The following UGT2A1 variants were observed in gnomAD, a reference collection of about 807,000 sequenced individuals.
UGT2A1 encodes UDP-glucuronosyltransferase 2A1.
Under a neutral mutation model 45.4 loss-of-function variants are expected in UGT2A1, and 61 were observed. The observed-to-expected ratio is 1.34, with a 90% confidence interval of 1.09 to 1.66. The LOEUF (loss-of-function observed/expected upper bound fraction) is 1.66, where lower values mean the gene tolerates loss of function less well. UGT2A1 is among the 40% of genes most tolerant of loss of function. UGT2A1 has a pLI of 0.00. For synonymous variants in UGT2A1, 229 were observed against 196.2 expected (o/e 1.17, Z -1.40); for missense variants, 649 against 574.3 (o/e 1.13, Z -1.33).
intron 2 of UGT2A1, among the ~76,000 whole-genome samples, chr4:69,642,197 CTCTCA>C (rs1194875032): frequency 2.6e-5 from 4 of 151,962 alleles, no homozygotes; most frequent in African/African-American, 9.6e-5. Context: ...TTCTGATACT[CTCTCA>C]TGAGTGGGAG....
At chr4:69,636,461 G>A (rs1169740649) in intron 2 of UGT2A1, among the ~76,000 whole-genome samples, 3 of 152,090 alleles carry the variant, frequency 2.0e-5, no homozygotes, top group African/African-American at 4.8e-5. Context: ...TCAGTAACAT[G>A]AGAAGCATAA....
intron 3 of UGT2A1, among the ~76,000 whole-genome samples, chr4:69,619,024 A>T (rs1172424608): frequency 6.6e-6 from 1 of 151,926 alleles, no homozygotes; most frequent in Non-Finnish European, 1.5e-5. Flanking sequence ...GTTATATATT[A>T]TACAATATAT....
chr4:69,627,367 A>G (rs1721118739), intron 3 of UGT2A1, among the ~76,000 whole-genome samples: 1 of 151,828 alleles, frequency 6.6e-6, no homozygotes, highest in African/African-American at 2.4e-5. Context: ...CATATCACAT[A>G]CTACATTACT....
intron 3 of UGT2A1, among the ~76,000 whole-genome samples, chr4:69,622,175 TA>T (rs929316968): frequency 2.0e-5 from 3 of 151,606 alleles, no homozygotes; most frequent in Non-Finnish European, 2.9e-5. Flanking sequence ...TTTTTTTAAA[TA>T]AAAAATTTAA....
intron 6 of UGT2A1, 74 bp downstream of exon 6, chr4:69,594,403 A>G (rs1239595332): frequency 6.5e-7 from 1 of 1,545,774 alleles, no homozygotes; most frequent in East Asian, 2.3e-5. Context: ...AAAAGTATAA[A>G]AGAATGTACA....
At chr4:69,635,846 AAAAAGAGAGAG>A (rs1560491748) in intron 2 of UGT2A1, 24 bp from the exon 3 acceptor site, 19 of 137,176 alleles carry the variant, frequency 1.4e-4, no homozygotes, top group African/African-American at 6.3e-4. Flanking sequence ...AAAAAAAAAA[AAAAAGAGAGAG>A]AGAGAGAGAA....
At chr4:69,630,811 T>C (rs996961146) in intron 3 of UGT2A1, among the ~76,000 whole-genome samples, 2 of 152,084 alleles carry the variant, frequency 1.3e-5, no homozygotes, top group Non-Finnish European at 2.9e-5. Flanking sequence ...ATTCCTGATT[T>C]ACCAAGTCTC....
chr4:69,634,090 A>G (rs1263139726), intron 3 of UGT2A1, among the ~76,000 whole-genome samples: 1 of 151,976 alleles, frequency 6.6e-6, no homozygotes, highest in African/African-American at 2.4e-5. Flanking sequence ...CTAAAAATAC[A>G]AAAAATTAGC....
intron 3 of UGT2A1, among the ~76,000 whole-genome samples, chr4:69,610,045 C>A (rs1719939770): frequency 6.6e-6 from 1 of 152,074 alleles, no homozygotes; most frequent in Non-Finnish European, 1.5e-5. Context: ...AATGTTAAAA[C>A]CAGTCAGGCT....
intron 3 of UGT2A1, among the ~76,000 whole-genome samples, chr4:69,608,138 C>G (rs949694559): frequency 6.6e-6 from 1 of 152,082 alleles, no homozygotes; most frequent in Admixed American, 6.6e-5. Flanking sequence ...TATTGCAGCG[C>G]TATTCACAAT....
chr4:69,639,344 C>T (rs367844273), intron 2 of UGT2A1: 12 of 1,613,552 alleles, frequency 7.4e-6, no homozygotes, highest in East Asian at 2.2e-5. Context: ...ACAGCATTAT[C>T]ATATGCTCAA....
At chr4:69,619,036 T>C (rs1259782064) in intron 3 of UGT2A1, among the ~76,000 whole-genome samples, 1 of 151,858 alleles carries the variant, frequency 6.6e-6, no homozygotes, top group African/African-American at 2.4e-5. Flanking sequence ...ACAATATATG[T>C]ATATACATTT....
chr4:69,596,327 G>A, intron 4 of UGT2A1: 1 of 1,607,548 alleles, frequency 6.2e-7, no homozygotes. Context: ...ATTGATCCCA[G>A]AGAAAACACC....
In UGT2A1 at chr4:69,589,431, A is replaced by G. The variant is rs1577935569; in HGVS notation, c.1525T>C (p.Cys509Arg). ...VTTAIFLVIQ[C>R]CLFSCQKFGK... ...AATTTTTGACAGGAAAACAAACAAC[A>G]TTGTATGACCAAAAATATAGCCGTT... The change falls in exon 7 of 7, where the codon TGT becomes CGT. Residue 509 changes from cysteine (C) to arginine (R), a missense_variant. Transcript: ENST00000286604. 10 of 1,614,074 alleles carry G rather than the reference A, an allele frequency of 6.2e-6. No individual in the cohort carries two copies. Among genetic ancestry groups the G allele is most frequent in the East Asian group, 2.2e-5 (1 of 44,876 alleles).
intron 3 of UGT2A1, among the ~76,000 whole-genome samples, chr4:69,611,188 C>G (rs891139768): frequency 6.6e-6 from 1 of 151,566 alleles, no homozygotes; most frequent in Admixed American, 6.6e-5. Context: ...CTCTGTCACT[C>G]AAGCTGGAGT....
Position 69,594,581 on chromosome 4 carries a change from G to C in UGT2A1, c.1200C>G (p.Asn400Lys). 6.2e-7 allele frequency: 1 copy of C among 1,614,128 alleles called. No individual in the cohort carries two copies. Among genetic ancestry groups the C allele is most frequent in the Non-Finnish European group, 8.5e-7 (1 of 1,180,032 alleles). ...CTCCTTTGGCCTTCATGTGAGCAAT[G>C]TTATCAGGCTGATCAGCAAACATGG... ...GVPMFADQPD[N>K]IAHMKAKGAA... Residue 400 changes from asparagine to lysine, a missense_variant, in exon 6 of 7, where the codon AAC (asparagine) becomes AAG (lysine). Coordinates refer to ENST00000286604, the MANE Select transcript of UGT2A1 (RefSeq NM_001252275.3).
Position 69,647,567 on chromosome 4 carries a change from C to T in UGT2A1, c.78G>A (p.Trp26Ter), listed in dbSNP as rs1190740642. The stretch of plus-strand genomic sequence containing the variant: ...TTAGCCAATGACTACCTTCCATTGG[C>T]CAAATCAAAACATTCCCACCAAGAG... ...GTTLGGNVLIWPMEGSHWLNV... is the reference protein window; with the variant it reads ...GTTLGGNVLI The change falls in exon 2 of 7, where the codon TGG becomes TGA. Residue 26 changes from tryptophan (W) to a stop codon, truncating the protein, a stop_gained. Transcript: ENST00000286604. LOFTEE classifies it high-confidence loss of function. 2 of 1,611,628 alleles carry T rather than the reference C, an allele frequency of 1.2e-6. No individual in the cohort carries two copies. Among genetic ancestry groups the T allele is most frequent in the Middle Eastern group, 1.7e-4 (1 of 6,038 alleles).
In UGT2A1 at chr4:69,646,430, C is replaced by T. The variant is rs112511561; in HGVS notation, c.715+500G>A. Among the ~76,000 whole-genome samples, 1,186 of 151,878 alleles carry T rather than the reference C, an allele frequency of 7.8e-3. 13 individuals carry two copies. Among genetic ancestry groups the T allele is most frequent in the African/African-American group, 0.026 (1,099 of 41,484 alleles). On this transcript the variant is annotated intron_variant, in intron 2 of 6. Transcript: ENST00000286604. ...CCTGATCAATGGTTGTAGTTCACAC[C>T]TTACAATTAAAGGTGATAAAGCCTT...
At chr4:69,648,487 C>G (rs962178151) in intron 1 of UGT2A1, among the ~76,000 whole-genome samples, 5 of 151,894 alleles carry the variant, frequency 3.3e-5, no homozygotes, top group Admixed American at 6.6e-5. Context: ...CTAGATTCAG[C>G]CTTCAACAAC....
Sources: gnomAD v4.1 joint callset for allele counts (sites outside exome capture counted in the v4.1 genomes callset) on GRCh38, gnomAD v4.1.1 for gene constraint, MANE v1.5 for transcripts, NCBI Gene and HGNC (gene_info 2026-07-23, HGNC 2026-07-21) for gene names.